Variants in EHBP1 observed in about 807,000 individuals in gnomAD.
EHBP1 encodes the protein EH domain-binding protein 1.
EHBP1 carries 55 observed loss-of-function variants against 144.0 expected under a neutral mutation model. The observed-to-expected ratio is 0.38, with a 90% CI of 0.31 to 0.48. EHBP1 has a LOEUF of 0.48. EHBP1 is among the 20% of genes least tolerant of loss of function. The pLI, the probability that EHBP1 is intolerant of heterozygous loss-of-function variation, is 0.98. For synonymous variants in EHBP1, 469 were observed against 472.7 expected (o/e 0.99, Z 0.10); for missense variants, 1,200 against 1,364.2 (o/e 0.88, Z 1.90).
chr2:62,867,112 G>A (rs952308523), intron 9 of EHBP1, among the ~76,000 whole-genome samples: 1 of 152,008 alleles, frequency 6.6e-6, no homozygotes, highest in Non-Finnish European at 1.5e-5. Flanking sequence ...AAATATATTA[G>A]TATATATAAA....
intron 3 of EHBP1, among the ~76,000 whole-genome samples, chr2:62,753,341 C>T (rs969670187): frequency 6.6e-6 from 1 of 152,192 alleles, no homozygotes; most frequent in African/African-American, 2.4e-5. Flanking sequence ...CCACTCTCTT[C>T]TGGCTTGTAG....
intron 3 of EHBP1, among the ~76,000 whole-genome samples, chr2:62,760,702 G>T (rs2040699013): frequency 6.6e-6 from 1 of 152,182 alleles, no homozygotes. Context: ...AGGGATAGAA[G>T]ACTATTTTCT....
At chr2:62,967,555 T>C (rs748803409) in intron 14 of EHBP1, among the ~76,000 whole-genome samples, 12 of 152,186 alleles carry the variant, frequency 7.9e-5, no homozygotes, top group Non-Finnish European at 1.5e-4. Flanking sequence ...AAAAAGGACA[T>C]GGAAAAGGAT....
At chr2:62,754,964 G>A (rs1372091631) in intron 3 of EHBP1, among the ~76,000 whole-genome samples, 6 of 152,272 alleles carry the variant, frequency 3.9e-5, no homozygotes, top group East Asian at 3.9e-4. Context: ...GCCCTGCTTC[G>A]GCTCATGCTC....
chr2:62,817,622 A>G (rs1295784196), intron 5 of EHBP1, among the ~76,000 whole-genome samples: 1 of 152,210 alleles, frequency 6.6e-6, no homozygotes, highest in East Asian at 1.9e-4. Flanking sequence ...TACCAGGATC[A>G]TCATAGTTTC....
intron 21 of EHBP1, among the ~76,000 whole-genome samples, chr2:63,042,790 G>A (rs1161040960): frequency 6.6e-6 from 1 of 151,646 alleles, no homozygotes; most frequent in East Asian, 1.9e-4. Flanking sequence ...AGCCTTAAAA[G>A]CAACTGGTCA....
At position 63,037,634 on chromosome 2, in the gene EHBP1, T is replaced by C; in HGVS notation, c.3203T>C (p.Leu1068Pro). The C allele has an allele frequency of 6.5e-7, 1 of 1,548,824 alleles. No homozygotes were observed. The highest frequency in any genetic ancestry group is 2.3e-5 in the East Asian group (1 of 43,558). The change falls in exon 20 of 23, where the codon CTG (leucine) becomes CCG (proline). Residue 1068 changes from leucine to proline, a missense_variant and splice_region_variant. Leu to Pro is a moderately conservative substitution (Grantham distance 98). Transcript: ENST00000431489. ...AGGAGAATGAATCAGCTCTCTCTTC[T>C]GTAAGTACTCATCATTATGCTTGTT... is the stretch of plus-strand genomic sequence containing the variant. ...LIRRMNQLSL[L>P]EKEHDLERRY...
intron 7 of EHBP1, among the ~76,000 whole-genome samples, chr2:62,842,111 A>G (rs964933286): frequency 4.0e-5 from 6 of 150,886 alleles, no homozygotes; most frequent in Non-Finnish European, 1.5e-5. Flanking sequence ...TTTTGAGACA[A>G]GGTCTTGCTT....
rs1032333550 is a variant in EHBP1, at chr2:62,868,254, C to G, written c.998+3283C>G. On this transcript the variant is annotated intron_variant, in intron 9 of 22. Transcript: ENST00000431489. ...CTTAGCTAGGCATGGTTTCAGTCAC[C>G]TGTAATCCAAGCTACTTGGGAGGCT... 2.6e-5 allele frequency among the ~76,000 whole-genome samples: 4 copies of G among 152,086 alleles called. No individual in the cohort carries two copies. The East Asian group carries it at 5.8e-4, about 22-fold the overall frequency.
intron 16 of EHBP1, among the ~76,000 whole-genome samples, chr2:62,992,330 G>A (rs1338559693): frequency 6.6e-6 from 1 of 151,990 alleles, no homozygotes; most frequent in African/African-American, 2.4e-5. Flanking sequence ...TTATAAGCAT[G>A]ATATTAATGA....
At chr2:62,734,285 C>T (rs1329480944) in intron 2 of EHBP1, among the ~76,000 whole-genome samples, 1 of 150,898 alleles carries the variant, frequency 6.6e-6, no homozygotes, top group African/African-American at 2.4e-5. Context: ...TATAGAAATT[C>T]ACTCATGTTT....
At chr2:63,020,365 T>C (rs942812945) in intron 19 of EHBP1, among the ~76,000 whole-genome samples, 5 of 143,818 alleles carry the variant, frequency 3.5e-5, no homozygotes, top group African/African-American at 1.0e-4. Context: ...TAGCTGGGTG[T>C]GGTGGCAGGC....
chr2:62,738,756 C>T (rs1198064473), intron 2 of EHBP1, among the ~76,000 whole-genome samples: 1 of 152,058 alleles, frequency 6.6e-6, no homozygotes, highest in Admixed American at 6.6e-5. Context: ...ATTTTTTGCT[C>T]ACCTAATGAA....
At chr2:62,786,764 C>G (rs907504406) in intron 5 of EHBP1, among the ~76,000 whole-genome samples, 2 of 152,098 alleles carry the variant, frequency 1.3e-5, no homozygotes, top group Admixed American at 1.3e-4. Flanking sequence ...TGCTTTAAGC[C>G]TATGTGTTAG....
At chr2:62,943,496 T>C (rs1312251656) in intron 11 of EHBP1, among the ~76,000 whole-genome samples, 1 of 152,174 alleles carries the variant, frequency 6.6e-6, no homozygotes, top group East Asian at 1.9e-4. Flanking sequence ...CTGTAATTCT[T>C]TACATTGACA....
At chr2:62,687,055 G>C (rs138290083) in intron 1 of EHBP1, among the ~76,000 whole-genome samples, 1 of 152,098 alleles carries the variant, frequency 6.6e-6, no homozygotes, top group African/African-American at 2.4e-5. Flanking sequence ...CAAAGTCTAC[G>C]CTCTTTCCAC....
At chr2:62,721,490 A>G (rs2036219058) in intron 2 of EHBP1, among the ~76,000 whole-genome samples, 1 of 152,236 alleles carries the variant, frequency 6.6e-6, no homozygotes, top group South Asian at 2.1e-4. Context: ...ATTAAGTTTC[A>G]TCTCCTGGAA....
At chr2:62,869,463 A>G (rs987794540) in intron 9 of EHBP1, among the ~76,000 whole-genome samples, 2 of 152,240 alleles carry the variant, frequency 1.3e-5, no homozygotes, top group African/African-American at 2.4e-5. Flanking sequence ...TCAGTAATAA[A>G]GAGGAACAAA....
chr2:62,787,324 GA>G (rs1269738454), intron 5 of EHBP1, among the ~76,000 whole-genome samples: 1 of 150,908 alleles, frequency 6.6e-6, no homozygotes, highest in African/African-American at 2.4e-5. Flanking sequence ...CCTGAGGATA[GA>G]AAATACAAAA....
Sources: allele counts gnomAD v4.1 joint callset (sites outside exome capture counted in the v4.1 genomes callset), GRCh38; gene constraint gnomAD v4.1.1; transcripts MANE v1.5; gene names NCBI Gene and HGNC (gene_info 2026-07-23, HGNC 2026-07-21).